Variants in EPHA6 observed in about 807,000 individuals in gnomAD.
EPHA6 encodes the protein EPH receptor A6.
EPHA6 carries 50 observed loss-of-function variants against 112.0 expected under a neutral mutation model. The observed-to-expected ratio is 0.45, with a 90% CI of 0.36 to 0.56. EPHA6 has a LOEUF of 0.56. Ranked by LOEUF, EPHA6 falls within the 20% of genes least tolerant of loss-of-function variation. The pLI is 0.00. For missense variants in EPHA6, 1,280 were observed against 1,417.4 expected (o/e 0.90, Z 1.56); for synonymous variants, 529 against 490.7 (o/e 1.08, Z -1.03).
At chr3:96,972,041 CT>C (rs2042334684) in intron 2 of EPHA6, among the ~76,000 whole-genome samples, 1 of 152,004 alleles carries the variant, frequency 6.6e-6, no homozygotes, top group South Asian at 2.1e-4. Context: ...TTGTCTTTTA[CT>C]TTTGGGAAAA....
intron 3 of EPHA6, among the ~76,000 whole-genome samples, chr3:97,109,671 G>T (rs988693633): frequency 1.3e-5 from 2 of 152,126 alleles, no homozygotes; most frequent in Non-Finnish European, 2.9e-5. Flanking sequence ...CCGAGATGGA[G>T]ATGTCAAGAA....
intron 5 of EPHA6, among the ~76,000 whole-genome samples, chr3:97,328,078 T>TATATATATATATATAA (rs1309698190): frequency 4.3e-5 from 6 of 138,394 alleles, no homozygotes; most frequent in African/African-American, 1.5e-4. Flanking sequence ...TATATATATA[T>TATATATATATATATAA]AACCTGTTTT....
intron 3 of EPHA6, among the ~76,000 whole-genome samples, chr3:97,091,551 A>T (rs1227575364): frequency 6.6e-6 from 1 of 152,128 alleles, no homozygotes; most frequent in African/African-American, 2.4e-5. Flanking sequence ...AAGAGAAAAA[A>T]GTTGAATGTA....
chr3:96,986,907 C>T lies in EPHA6; in HGVS notation c.451-423C>T, dbSNP rs569543163. On this transcript the variant is annotated intron_variant, in intron 2 of 17. Transcript: ENST00000389672. ...ATTGGATATAAGGAAAGATGGGAAACCCTAAGTGCGTTTTTTATATATTTA... is the reference window on the plus strand; with the variant it reads ...ATTGGATATAAGGAAAGATGGGAAATCCTAAGTGCGTTTTTTATATATTTA... Among the ~76,000 whole-genome samples the T allele has an allele frequency of 1.4e-4, 21 of 152,222 alleles. No individual in the cohort carries two copies. In the South Asian group the frequency reaches 4.1e-3, roughly 30 times the overall value.
rs1316460067 is a variant in EPHA6, at chr3:97,753,254, ACT to A, written c.*4557_*4558del. Among the ~76,000 whole-genome samples, 1 of 151,958 alleles carries A rather than the reference ACT, an allele frequency of 6.6e-6. No homozygotes were observed. The highest frequency in any genetic ancestry group is 1.5e-5 in the Non-Finnish European group (1 of 67,966). ...GCTGTGCTGTCATTGCTTTCAAGTAACTCTCATTATTAAAATTTAGAGCTTTA... is the reference window on the plus strand; with the variant it reads ...GCTGTGCTGTCATTGCTTTCAAGTAACTCATTATTAAAATTTAGAGCTTTA... On this transcript the variant is annotated 3_prime_UTR_variant, in exon 18 of 18. Coordinates refer to ENST00000389672, the MANE Select transcript of EPHA6 (RefSeq NM_001080448.3).
chr3:97,155,008 T>C (rs988048756), intron 3 of EPHA6, among the ~76,000 whole-genome samples: 1 of 152,178 alleles, frequency 6.6e-6, no homozygotes, highest in Non-Finnish European at 1.5e-5. Context: ...GTATCACAGT[T>C]TTCTATACAT....
At position 97,146,242 on chromosome 3, in the gene EPHA6, C is replaced by G. The variant is rs2076040830; in HGVS notation, c.1115-80022C>G. Among the ~76,000 whole-genome samples, 3 of 151,882 alleles carry G rather than the reference C, an allele frequency of 2.0e-5. 1 individual carries two copies. The South Asian group carries it at 6.2e-4, about 32-fold the overall frequency. On this transcript the variant is annotated intron_variant, in intron 3 of 17. Transcript: ENST00000389672. ...ATGACAAAGTTTTCTTGATTTTATT[C>G]TATCCTTCCTTGACATTCTTTCTTA...
intron 3 of EPHA6, among the ~76,000 whole-genome samples, chr3:97,157,584 G>A (rs562895392): frequency 6.6e-6 from 1 of 151,996 alleles, no homozygotes; most frequent in Admixed American, 6.6e-5. Flanking sequence ...TAATTACGGA[G>A]GCTGAGAAAT....
chr3:96,943,773 G>A (rs1160130468), intron 2 of EPHA6, among the ~76,000 whole-genome samples: 1 of 152,134 alleles, frequency 6.6e-6, no homozygotes, highest in Non-Finnish European at 1.5e-5. Context: ...CAGGAGGATT[G>A]CTCGAGCCTG....
Position 97,585,778 on chromosome 3 carries a change from TCTTTGG to T in EPHA6, c.2387-6833_2387-6828del, listed in dbSNP as rs1467378765. On this transcript the variant is annotated intron_variant, in intron 11 of 17. Transcript: ENST00000389672. Reference sequence around the variant, plus strand: ...TAATGGACAAAGTTATGTGATTGCATCTTTGGATTAGTTTAGTCAGACTCAGTCCCT... The same window carrying T: ...TAATGGACAAAGTTATGTGATTGCATATTAGTTTAGTCAGACTCAGTCCCT... 3.5e-3 allele frequency among the ~76,000 whole-genome samples: 533 copies of T among 152,280 alleles called. 5 individuals are homozygous for T. The highest frequency in any genetic ancestry group is 0.012 in the African/African-American group (514 of 41,516).
intron 6 of EPHA6, among the ~76,000 whole-genome samples, chr3:97,407,003 C>T (rs766783494): frequency 6.6e-6 from 1 of 152,026 alleles, no homozygotes; most frequent in Non-Finnish European, 1.5e-5. Context: ...AAATATTTCT[C>T]TGTGTTTTAT....
At chr3:96,817,856 A>C (rs980023171) in intron 1 of EPHA6, among the ~76,000 whole-genome samples, 3 of 151,982 alleles carry the variant, frequency 2.0e-5, no homozygotes, top group Non-Finnish European at 4.4e-5. Flanking sequence ...TGGTGCAAAC[A>C]GTAACTTGAC....
chr3:97,097,008 C>CA (rs1022613445), intron 3 of EPHA6, among the ~76,000 whole-genome samples: 2 of 151,250 alleles, frequency 1.3e-5, no homozygotes, highest in Non-Finnish European at 3.0e-5. Context: ...AATAAAAATT[C>CA]AAATTCCAAA....
At position 97,748,484 on chromosome 3, in the gene EPHA6, C is replaced by T. The variant is rs1048615424; in HGVS notation, c.3279-103C>T. On this transcript the variant is annotated intron_variant, in intron 17 of 17. Coordinates refer to ENST00000389672, the MANE Select transcript of EPHA6 (RefSeq NM_001080448.3). ...ATATTTAAATATTCACTTTATCTTG[C>T]ATGCTTATTAGATCTGAATGTTCAT... The T allele has an allele frequency of 1.2e-5, 8 of 674,514 alleles. No individual in the cohort carries two copies. The Admixed American group carries it at 1.7e-4, about 15-fold the overall frequency. 41.8% of individuals were successfully genotyped at this position (674,514 alleles called of 1,614,324 possible).
chr3:96,995,540 G>A (rs917114004), intron 3 of EPHA6, among the ~76,000 whole-genome samples: 1 of 152,048 alleles, frequency 6.6e-6, no homozygotes, highest in Non-Finnish European at 1.5e-5. Flanking sequence ...TTCCAAGCAA[G>A]AAAGGATAAA....
chr3:97,626,585 G>A (rs1338083616), intron 13 of EPHA6, among the ~76,000 whole-genome samples: 4 of 151,718 alleles, frequency 2.6e-5, no homozygotes, highest in South Asian at 4.1e-4. Flanking sequence ...AGAAAGAATC[G>A]AGAGTATATG....
chr3:97,545,222 A>G (rs1365812578), intron 11 of EPHA6, among the ~76,000 whole-genome samples: 1 of 151,378 alleles, frequency 6.6e-6, no homozygotes, highest in African/African-American at 2.4e-5. Context: ...ATTTCCCTCA[A>G]CACACTGCTT....
chr3:97,354,064 T>C (rs1331564811), intron 5 of EPHA6, among the ~76,000 whole-genome samples: 1 of 152,142 alleles, frequency 6.6e-6, no homozygotes, highest in Non-Finnish European at 1.5e-5. Context: ...AGTCACAGCA[T>C]TACTAGGCTA....
chr3:97,353,686 G>A (rs1244313634), intron 5 of EPHA6, among the ~76,000 whole-genome samples: 1 of 152,138 alleles, frequency 6.6e-6, no homozygotes, highest in Non-Finnish European at 1.5e-5. Context: ...CCTACCATGG[G>A]CCAGTGGAAA....
Sources: gnomAD v4.1 joint callset for allele counts (sites outside exome capture counted in the v4.1 genomes callset) on GRCh38, gnomAD v4.1.1 for gene constraint, MANE v1.5 for transcripts, NCBI Gene and HGNC (gene_info 2026-07-23, HGNC 2026-07-21) for gene names.